PRKG2: variants seen among roughly 807,000 people sequenced by gnomAD.
PRKG2 encodes the protein protein kinase cGMP-dependent 2.
PRKG2 carries 33 observed loss-of-function variants against 97.2 expected under a neutral mutation model. That is an observed-to-expected ratio of 0.34 (90% CI 0.26 to 0.45). PRKG2 has a LOEUF of 0.45. PRKG2 is among the 20% of genes least tolerant of loss of function. PRKG2 has a pLI of 1.00. For synonymous variants in PRKG2, 330 were observed against 321.8 expected (o/e 1.03, Z -0.27); for missense variants, 638 against 900.0 (o/e 0.71, Z 3.73).
In PRKG2 at chr4:81,087,438, A is replaced by G. The variant is rs1295172277; in HGVS notation, c.*2270T>C. The stretch of plus-strand genomic sequence containing the variant: ...AAAAAAGACAGATACTGGATTTGAT[A>G]AGTACAATTCTGCATACAGATACCA... On this transcript the variant is annotated 3_prime_UTR_variant, in exon 19 of 19. Coordinates refer to ENST00000264399, the MANE Select transcript of PRKG2 (RefSeq NM_006259.3). The G allele has an allele frequency of 2.6e-5, 4 of 152,122 alleles. No individual in the cohort carries two copies. Among genetic ancestry groups the G allele is most frequent in the Non-Finnish European group, 5.9e-5 (4 of 67,960 alleles). 9.4% of individuals were successfully genotyped at this position (152,122 alleles called of 1,614,324 possible). A position where few individuals can be genotyped will look rare whatever the true frequency, so the allele number is the denominator to read the frequency against.
intron 14 of PRKG2, among the ~76,000 whole-genome samples, chr4:81,120,908 A>G (rs1294666373): frequency 6.6e-6 from 1 of 152,204 alleles, no homozygotes; most frequent in Non-Finnish European, 1.5e-5. Flanking sequence ...CTCACCATTA[A>G]GTATGATGTG....
At chr4:81,098,069 G>A (rs1245080010) in intron 17 of PRKG2, among the ~76,000 whole-genome samples, 1 of 152,136 alleles carries the variant, frequency 6.6e-6, no homozygotes, top group African/African-American at 2.4e-5. Context: ...ATTTGTGTTA[G>A]TGGGCTGGGA....
At chr4:81,158,678 C>A (rs1224085754) in intron 6 of PRKG2, among the ~76,000 whole-genome samples, 7 of 152,172 alleles carry the variant, frequency 4.6e-5, no homozygotes, top group East Asian at 3.9e-4. Context: ...GGAGGCATCA[C>A]ACTACCTGAC....
At chr4:81,186,464 G>A (rs974486428) in intron 2 of PRKG2, among the ~76,000 whole-genome samples, 19 of 152,136 alleles carry the variant, frequency 1.2e-4, no homozygotes, top group African/African-American at 4.6e-4. Context: ...CTGGGACACA[G>A]CTAAAGCAGT....
intron 1 of PRKG2, among the ~76,000 whole-genome samples, chr4:81,208,314 T>C (rs1753789287): frequency 6.6e-6 from 1 of 152,202 alleles, no homozygotes; most frequent in Non-Finnish European, 1.5e-5. Flanking sequence ...TTATAGTATG[T>C]AACTAGAAAC....
chr4:81,204,180 C>T (rs949147288), intron 2 of PRKG2, among the ~76,000 whole-genome samples: 2 of 151,596 alleles, frequency 1.3e-5, no homozygotes, highest in Non-Finnish European at 2.9e-5. Context: ...CAGCATGTTC[C>T]TTTTCCATGA....
chr4:81,172,915 GA>G (rs942312271), intron 3 of PRKG2, among the ~76,000 whole-genome samples: 2 of 151,302 alleles, frequency 1.3e-5, no homozygotes, highest in South Asian at 4.2e-4. Context: ...TACTAGCAAG[GA>G]AAAAAAACAC....
At chr4:81,137,120 T>C (rs1474829062) in intron 13 of PRKG2, among the ~76,000 whole-genome samples, 1 of 151,060 alleles carries the variant, frequency 6.6e-6, no homozygotes, top group East Asian at 2.0e-4. Flanking sequence ...GTTTTTACCC[T>C]GACTCTGCTT....
chr4:81,170,452 C>A (rs1243463700), intron 4 of PRKG2, among the ~76,000 whole-genome samples: 2 of 151,950 alleles, frequency 1.3e-5, no homozygotes, highest in East Asian at 1.9e-4. Flanking sequence ...AGTAACAAAG[C>A]CTCTAAAATT....
chr4:81,191,346 C>T (rs1466153710), intron 2 of PRKG2, among the ~76,000 whole-genome samples: 1 of 152,054 alleles, frequency 6.6e-6, no homozygotes, highest in African/African-American at 2.4e-5. Flanking sequence ...GAAAACAAAA[C>T]ACCACATGTT....
intron 18 of PRKG2, among the ~76,000 whole-genome samples, chr4:81,090,289 T>G (rs909444057): frequency 2.6e-5 from 4 of 151,660 alleles, no homozygotes; most frequent in Non-Finnish European, 5.9e-5. Flanking sequence ...ACCTGAGAGG[T>G]GAAGGTTGCA....
Position 81,110,086 on chromosome 4 carries a change from T to C in PRKG2, c.1940+362A>G, listed in dbSNP as rs1331934112. ...TTTAACTGAACTCAGATTGCTGTTT[T>C]CTCCATTACACAAAAAAGAGGAAAT... is the stretch of plus-strand genomic sequence containing the variant. On this transcript the variant is annotated intron_variant, in intron 15 of 18. Transcript: ENST00000264399. Among the ~76,000 whole-genome samples the C allele has an allele frequency of 3.3e-5, 5 of 152,210 alleles. No homozygotes were observed. In the East Asian group the frequency reaches 9.6e-4, roughly 29 times the overall value.
chr4:81,178,684 CA>C (rs1751140211), intron 2 of PRKG2, among the ~76,000 whole-genome samples: 1 of 147,102 alleles, frequency 6.8e-6, no homozygotes, highest in Admixed American at 6.9e-5. Flanking sequence ...ATCTAGGATG[CA>C]AAACAAAGCA....
intron 14 of PRKG2, among the ~76,000 whole-genome samples, chr4:81,132,281 G>A (rs1387916670): frequency 2.0e-5 from 3 of 151,972 alleles, no homozygotes. Flanking sequence ...CTTGTTTCAA[G>A]TACCTCTTTG....
At chr4:81,216,367 CAA>C (rs11362212), upstream of PRKG2, among the ~76,000 whole-genome samples, 12,574 of 137,514 alleles carry the variant, frequency 0.091, 1,738 homozygotes, top group African/African-American at 0.3. Context: ...ATAAAGACCT[CAA>C]AAAAAAAAAA....
chr4:81,138,173 A>G (rs73832619), intron 12 of PRKG2, among the ~76,000 whole-genome samples: 6,535 of 152,250 alleles, frequency 0.043, 476 homozygotes, highest in African/African-American at 0.15. Flanking sequence ...ATGCCCAGAG[A>G]GGGACTGAGC....
intron 2 of PRKG2, among the ~76,000 whole-genome samples, chr4:81,181,895 T>A (rs1236216702): frequency 6.6e-6 from 1 of 151,668 alleles, no homozygotes; most frequent in Non-Finnish European, 1.5e-5. Context: ...ATGAAAAAAA[T>A]TTCTAGAAAA....
chr4:81,181,868 T>C lies in PRKG2; in HGVS notation c.462-6909A>G, dbSNP rs145691939. On this transcript the variant is annotated intron_variant, in intron 2 of 18. Transcript: ENST00000264399. ...AAAATAGTTTCAAAAACATCAAGTA[T>C]GGAAAATTGTGATGAAATGAAAAAA... Among the ~76,000 whole-genome samples, 1,167 of 151,818 alleles carry C rather than the reference T, an allele frequency of 7.7e-3. 20 individuals are homozygous for C. Among genetic ancestry groups the C allele is most frequent in the African/African-American group, 0.027 (1,107 of 41,446 alleles).
chr4:81,144,485 C>T (rs1219619903), intron 9 of PRKG2, among the ~76,000 whole-genome samples, 155 bp from the exon 10 acceptor site: 1 of 151,418 alleles, frequency 6.6e-6, no homozygotes, highest in Non-Finnish European at 1.5e-5. Flanking sequence ...GTAATATGTA[C>T]AAGGGTTATT....
Sources: gnomAD v4.1 joint callset for allele counts (sites outside exome capture counted in the v4.1 genomes callset) on GRCh38, gnomAD v4.1.1 for gene constraint, MANE v1.5 for transcripts, NCBI Gene and HGNC (gene_info 2026-07-23, HGNC 2026-07-21) for gene names.